The following LAPTM4B variants were observed in gnomAD, a reference collection of about 807,000 sequenced individuals.
LAPTM4B encodes lysosomal-associated transmembrane protein 4B.
LAPTM4B carries 26 observed loss-of-function variants against 28.5 expected under a neutral mutation model. The observed-to-expected ratio is 0.91, with a 90% CI of 0.67 to 1.27. The LOEUF is 1.27. Among genes scored for constraint, LAPTM4B ranks in the 50% most tolerant of loss-of-function variants. The pLI, the probability that LAPTM4B is intolerant of heterozygous loss-of-function variation, is 0.00. For missense variants in LAPTM4B, 288 were observed against 285.8 expected (o/e 1.01, Z -0.06); for synonymous variants, 109 against 106.4 (o/e 1.02, Z -0.15).
At chr8:97,797,845 C>T (rs1816614974) in intron 1 of LAPTM4B, among the ~76,000 whole-genome samples, 1 of 152,080 alleles carries the variant, frequency 6.6e-6, no homozygotes, top group South Asian at 2.1e-4. Flanking sequence ...CCTAACACCA[C>T]TTTAGAAATT....
chr8:97,821,196 C>T (rs149592271), intron 5 of LAPTM4B, among the ~76,000 whole-genome samples: 4,329 of 151,952 alleles, frequency 0.028, 209 homozygotes, highest in African/African-American at 0.099. Flanking sequence ...ATTAGTTGGG[C>T]ATGGTGGCGG....
At position 97,805,393 on chromosome 8, in the gene LAPTM4B, TG is replaced by T; in HGVS notation, c.142del (p.Ala48LeufsTer35). On this transcript the variant is annotated frameshift_variant, in exon 2 of 7. Coordinates refer to ENST00000521545, the MANE Select transcript of LAPTM4B (RefSeq NM_018407.6). LOFTEE classifies it high-confidence loss of function. ...GTACTGTTGATTTTATTGAGTGCCCTGGCTGATCCGGATCAGTATAACTTTT... is the reference window on the plus strand; with the variant it reads ...GTACTGTTGATTTTATTGAGTGCCCTGCTGATCCGGATCAGTATAACTTTT... Reference protein sequence around the residue: ...AVVLLILLSALADPDQYNFSS... With the variant: ...AVVLLILLSAXADPDQYNFSS... 6.2e-7 allele frequency: 1 copy of T among 1,607,766 alleles called. No individual in the cohort carries two copies. Among genetic ancestry groups the T allele is most frequent in the Non-Finnish European group, 8.5e-7 (1 of 1,176,652 alleles).
At chr8:97,844,334 C>A (rs115083678) in intron 6 of LAPTM4B, among the ~76,000 whole-genome samples, 1 of 152,082 alleles carries the variant, frequency 6.6e-6, no homozygotes, top group Non-Finnish European at 1.5e-5. Context: ...TGGGCTTAAA[C>A]GATCTGCCTG....
At chr8:97,789,893 C>T (rs1302548238) in intron 1 of LAPTM4B, among the ~76,000 whole-genome samples, 2 of 152,160 alleles carry the variant, frequency 1.3e-5, no homozygotes, top group African/African-American at 4.8e-5. Flanking sequence ...CCTCTGGTAA[C>T]CATCCTTCTA....
intron 6 of LAPTM4B, among the ~76,000 whole-genome samples, chr8:97,847,125 T>C (rs1817446031): frequency 6.6e-6 from 1 of 152,186 alleles, no homozygotes; most frequent in African/African-American, 2.4e-5. Flanking sequence ...TATATATAGA[T>C]AGAGAGCAGT....
intron 5 of LAPTM4B, among the ~76,000 whole-genome samples, chr8:97,822,110 C>T (rs1340336694): frequency 6.6e-6 from 1 of 152,094 alleles, no homozygotes; most frequent in African/African-American, 2.4e-5. Context: ...GTATTTGGCC[C>T]CACATGTTGT....
chr8:97,782,401 T>C (rs1816335959), intron 1 of LAPTM4B, among the ~76,000 whole-genome samples: 1 of 143,894 alleles, frequency 6.9e-6, no homozygotes, highest in Non-Finnish European at 1.5e-5. Context: ...GCCTCCCAAG[T>C]AGCTGGGACT....
chr8:97,782,754 G>A (rs1188672623), intron 1 of LAPTM4B, among the ~76,000 whole-genome samples: 34 of 139,016 alleles, frequency 2.4e-4, no homozygotes, highest in Non-Finnish European at 2.3e-4. Flanking sequence ...TTTCTGAGAC[G>A]GAGTCTCGCT....
chr8:97,817,464 TTG>T, intron 4 of LAPTM4B, among the ~76,000 whole-genome samples: 1 of 147,254 alleles, frequency 6.8e-6, no homozygotes, highest in Non-Finnish European at 1.5e-5. Flanking sequence ...TTTTTTTTTT[TTG>T]AGACAGAGTC....
At chr8:97,803,391 G>A (rs1050447152) in intron 1 of LAPTM4B, among the ~76,000 whole-genome samples, 3 of 151,304 alleles carry the variant, frequency 2.0e-5, no homozygotes, top group Non-Finnish European at 4.4e-5. Context: ...TGATTCTCCT[G>A]CCTCAGCCTC....
chr8:97,812,227 GT>G (rs55878345), intron 2 of LAPTM4B, among the ~76,000 whole-genome samples: 8 of 89,102 alleles, frequency 9.0e-5, no homozygotes, highest in African/African-American at 2.7e-4. Flanking sequence ...GTTGTTTTTT[GT>G]TTTTTTTTTG....
intron 2 of LAPTM4B, among the ~76,000 whole-genome samples, chr8:97,806,289 G>T (rs1816754904): frequency 6.6e-6 from 1 of 152,178 alleles, no homozygotes; most frequent in Non-Finnish European, 1.5e-5. Flanking sequence ...TGCTGAGTAG[G>T]GTACTGGGTG....
Position 97,775,829 on chromosome 8 carries a change from C to G in LAPTM4B, c.-181C>G. On this transcript the variant is annotated 5_prime_UTR_variant, in exon 1 of 7. Transcript: ENST00000521545. ...CGGTCGCCTTCGGAGCGAAGGGTAC[C>G]GACCCGGCAGAAGCTCGGAGCTCTC... 2 of 1,553,748 alleles carry G rather than the reference C, an allele frequency of 1.3e-6. No homozygotes were observed. The highest frequency in any genetic ancestry group is 1.7e-6 in the Non-Finnish European group (2 of 1,156,106).
intron 6 of LAPTM4B, among the ~76,000 whole-genome samples, chr8:97,834,144 G>GAAAAAAAAAAACAAAAAAAAAAAAAA (rs1817225232): frequency 1.3e-5 from 1 of 75,344 alleles, no homozygotes. Context: ...TGTCTCTACA[G>GAAAAAAAAAAACAAAAAAAAAAAAAA]AAAAAAAAAA....
At chr8:97,814,119 G>A (rs560606228) in intron 2 of LAPTM4B, among the ~76,000 whole-genome samples, 2 of 152,266 alleles carry the variant, frequency 1.3e-5, no homozygotes, top group South Asian at 4.1e-4. Context: ...CAATGCCCAG[G>A]CAATTGAAGC....
rs1055202941 is a variant in LAPTM4B at position 97,852,166 on chromosome 8, T to A, written c.*692T>A. Reference sequence around the variant, plus strand: ...GCCTCGTATGTGTTAGAGGGTGGAATGGATGTGTTTGGCGCTGCATGGGAT... The same window carrying A: ...GCCTCGTATGTGTTAGAGGGTGGAAAGGATGTGTTTGGCGCTGCATGGGAT... On this transcript the variant is annotated 3_prime_UTR_variant, in exon 7 of 7. Coordinates refer to ENST00000521545, the MANE Select transcript of LAPTM4B (RefSeq NM_018407.6). The A allele has an allele frequency of 2.0e-5, 3 of 152,470 alleles. No homozygotes were observed. The highest frequency in any genetic ancestry group is 7.2e-5 in the African/African-American group (3 of 41,444). The allele number at this position is 152,470 out of a possible 1,614,324, so 9.4% of individuals were successfully genotyped here.
rs1462583246 is a variant in LAPTM4B at position 97,852,234 on chromosome 8, C to T, written c.*760C>T. 6.6e-6 allele frequency: 1 copy of T among 152,336 alleles called. No homozygotes were observed. The highest frequency in any genetic ancestry group is 1.5e-5 in the Non-Finnish European group (1 of 68,230). The allele number at this position is 152,336 out of a possible 1,614,324, so 9.4% of individuals were successfully genotyped here. ...CTGGATTCACATCCCCACCCAGGGCCCGCTTTTACTAAGTGTTCTGCCCTA... is the reference window on the plus strand; with the variant it reads ...CTGGATTCACATCCCCACCCAGGGCTCGCTTTTACTAAGTGTTCTGCCCTA... On this transcript the variant is annotated 3_prime_UTR_variant, in exon 7 of 7. Coordinates refer to ENST00000521545, the MANE Select transcript of LAPTM4B (RefSeq NM_018407.6).
At chr8:97,811,687 G>A (rs1163583364) in intron 2 of LAPTM4B, among the ~76,000 whole-genome samples, 2 of 152,148 alleles carry the variant, frequency 1.3e-5, no homozygotes, top group Admixed American at 1.3e-4. Context: ...AGACTAACTT[G>A]GCAGTCTGCA....
chr8:97,784,565 G>T (rs540961068), intron 1 of LAPTM4B, among the ~76,000 whole-genome samples: 5 of 151,850 alleles, frequency 3.3e-5, no homozygotes, highest in Non-Finnish European at 7.4e-5. Flanking sequence ...TCAGCCTCTC[G>T]AGTAGCTGGG....
Sources: gnomAD v4.1 joint callset for allele counts (sites outside exome capture counted in the v4.1 genomes callset) on GRCh38, gnomAD v4.1.1 for gene constraint, MANE v1.5 for transcripts, NCBI Gene and HGNC (gene_info 2026-07-23, HGNC 2026-07-21) for gene names.